The following TM9SF1 variants were observed in gnomAD, a reference collection of about 807,000 sequenced individuals.
The protein encoded by TM9SF1 is transmembrane 9 superfamily member 1, also known as MP70 protein family member.
TM9SF1 carries 25 observed loss-of-function variants against 52.4 expected under a neutral mutation model. The observed-to-expected ratio is 0.48, with a 90% CI of 0.35 to 0.67. TM9SF1 has a LOEUF of 0.67. Among genes scored for constraint, TM9SF1 ranks in the 30% least tolerant of loss-of-function variants. The pLI, the probability that TM9SF1 is intolerant of heterozygous loss-of-function variation, is 0.01. For missense variants in TM9SF1, 604 were observed against 780.3 expected, an observed-to-expected ratio of 0.77 and a Z score of 2.69; for synonymous variants, 284 against 299.8, an observed-to-expected ratio of 0.95 and a Z score of 0.55.
Position 24,192,493 on chromosome 14 carries a change from T to C in TM9SF1, c.968-137A>G. The C allele has an allele frequency of 7.2e-7, 1 of 1,384,348 alleles. No individual in the cohort carries two copies. Among genetic ancestry groups the C allele is most frequent in the Non-Finnish European group, 9.8e-7 (1 of 1,018,002 alleles). 85.8% of individuals were successfully genotyped at this position (1,384,348 alleles called of 1,614,324 possible). ...TCCCCCAGTTTTGCTATCCAGAAAA[T>C]CTACAATAGAATACGTGCATTCTTG... On this transcript the variant is annotated intron_variant, in intron 3 of 5. Transcript: ENST00000261789. This position sits in a 1 kb window ranked among gnomAD's most constrained non-coding sequence, Gnocchi z 4.0.
Position 24,190,396 on chromosome 14 carries a change from C to T in TM9SF1, c.1411G>A (p.Gly471Ser), listed in dbSNP as rs376115537. The change falls in exon 5 of 6, where the codon GGC becomes AGC. Residue 471 changes from glycine (G) to serine (S), a missense_variant. Physicochemically the swap from Gly to Ser is moderately conservative, Grantham distance 56. This residue lies in a region of TM9SF1 where 107 missense variants were observed against 180.5 expected (regional missense o/e 0.59). Coordinates refer to ENST00000261789, the MANE Select transcript of TM9SF1 (RefSeq NM_006405.7). ...GGAGGATACCTGAAAGGCAGGAAGC[C>T]TCCAACAGTCATGTGGATGACAGTA... ...KSTVIHMTVG[G>S]FLPFSAISVE... is the part of the protein sequence containing the mutation. 6.3e-7 allele frequency: 1 copy of T among 1,589,180 alleles called. No individual in the cohort carries two copies. Among genetic ancestry groups the T allele is most frequent in the Non-Finnish European group, 8.6e-7 (1 of 1,165,328 alleles).
Position 24,192,959 on chromosome 14 carries a change from C to T in TM9SF1, c.656G>A (p.Arg219Lys), listed in dbSNP as rs140076140. The change falls in exon 3 of 6, where the codon AGG (arginine) becomes AAG (lysine). Residue 219 changes from arginine (R) to lysine (K), a missense_variant. Coordinates refer to ENST00000261789, the MANE Select transcript of TM9SF1 (RefSeq NM_006405.7). The surrounding 1 kb of genome is among the most constrained non-coding windows in gnomAD (Gnocchi z 4.0). ...SETSVERRSD[R>K]RRGDDGGFFP... ...GAAACCACCATCGTCACCACGGCGC[C>T]TGTCACTCCGACGCTCCACTGAAGT... The T allele has an allele frequency of 5.6e-6, 9 of 1,614,006 alleles. No individual in the cohort carries two copies. In the African/African-American group the frequency reaches 1.2e-4, roughly 22 times the overall value.
At position 24,192,081 on chromosome 14, in the gene TM9SF1, G is replaced by A. The variant is rs911357519; in HGVS notation, c.1153+90C>T. On this transcript the variant is annotated intron_variant, in intron 4 of 5. Transcript: ENST00000261789. This position sits in a 1 kb window ranked among gnomAD's most constrained non-coding sequence, Gnocchi z 4.0. ...CCGGCCTCGGTCTCCCAAAGTGCTAGGATTACAGGTGTGAGCCACTGTGAC... is the reference window on the plus strand; with the variant it reads ...CCGGCCTCGGTCTCCCAAAGTGCTAAGATTACAGGTGTGAGCCACTGTGAC... The A allele has an allele frequency of 2.4e-5, 32 of 1,352,672 alleles. No homozygotes were observed. Among genetic ancestry groups the A allele is most frequent in the Admixed American group, 1.4e-4 (8 of 57,862 alleles). The allele number at this position is 1,352,672 out of a possible 1,614,324, so 83.8% of individuals were successfully genotyped here.
chr14:24,192,023 G>A lies in TM9SF1; in HGVS notation c.1153+148C>T. The A allele has an allele frequency of 3.9e-6, 3 of 776,572 alleles. No homozygotes were observed. Among genetic ancestry groups the A allele is most frequent in the Non-Finnish European group, 6.6e-6 (3 of 454,080 alleles). The allele number at this position is 776,572 out of a possible 1,614,324, so 48.1% of individuals were successfully genotyped here. On this transcript the variant is annotated intron_variant, in intron 4 of 5. Coordinates refer to ENST00000261789, the MANE Select transcript of TM9SF1 (RefSeq NM_006405.7). This position sits in a 1 kb window ranked among gnomAD's most constrained non-coding sequence, Gnocchi z 4.0. ...GAGAGGGTCTCACTATGTTGTCTAG[G>A]CTTGTCTCAAACTTTTGGGCTCAAG...
chr14:24,192,470 C>T lies in TM9SF1; in HGVS notation c.968-114G>A. 7.2e-7 allele frequency: 1 copy of T among 1,394,334 alleles called. No individual in the cohort carries two copies. The highest frequency in any genetic ancestry group is 1.3e-5 in the South Asian group (1 of 75,250). 86.4% of individuals were successfully genotyped at this position (1,394,334 alleles called of 1,614,324 possible). ...CCAGGGCCTCCAGCAAAACAATCTC[C>T]CCCAGTTTTGCTATCCAGAAAATCT... On this transcript the variant is annotated intron_variant, in intron 3 of 5. Transcript: ENST00000261789. The surrounding 1 kb of genome is among the most constrained non-coding windows in gnomAD (Gnocchi z 4.0).
At chr14:24,190,892 C>T (rs1454455342) in intron 4 of TM9SF1, among the ~76,000 whole-genome samples, 11 of 123,784 alleles carry the variant, frequency 8.9e-5, no homozygotes, top group Non-Finnish European at 1.3e-4. Flanking sequence ...GACAGAGTCT[C>T]GCTCTGTCGC....
At position 24,193,099 on chromosome 14, in the gene TM9SF1, G is replaced by C; in HGVS notation, c.516C>G (p.Asp172Glu). The stretch of plus-strand genomic sequence containing the variant: ...CTGAAACATTGGCAAATATAATTCG[G>C]TCTCCATGGAATTCTAGGTGGAAGT... ...HLDFHLEFHGDRIIFANVSVR... is the reference protein window; with the variant it reads ...HLDFHLEFHGERIIFANVSVR... The change falls in exon 3 of 6, where the codon GAC (aspartate) becomes GAG (glutamate). Residue 172 changes from aspartate (D) to glutamate (E), a missense_variant. This residue lies in a region of TM9SF1 where 450 missense variants were observed against 560.1 expected (regional missense o/e 0.80). Coordinates refer to ENST00000261789, the MANE Select transcript of TM9SF1 (RefSeq NM_006405.7). The C allele has an allele frequency of 6.2e-7, 1 of 1,614,134 alleles. No individual in the cohort carries two copies. The highest frequency in any genetic ancestry group is 1.1e-5 in the South Asian group (1 of 91,080).
At position 24,189,348 on chromosome 14, in the gene TM9SF1, G is replaced by C; in HGVS notation, c.*67C>G. The C allele has an allele frequency of 6.7e-7, 1 of 1,487,644 alleles. No homozygotes were observed. The highest frequency in any genetic ancestry group is 1.3e-5 in the South Asian group (1 of 74,524). 92.2% of individuals were successfully genotyped at this position (1,487,644 alleles called of 1,614,324 possible). A position where few individuals can be genotyped will look rare whatever the true frequency, so the allele number is the denominator to read the frequency against. ...CACAATTCAGTCAATCAGAAGAGAA[G>C]CTGGTAGGAGAGTTCAACAGGGCAT... On this transcript the variant is annotated 3_prime_UTR_variant, in exon 6 of 6. Coordinates refer to ENST00000261789, the MANE Select transcript of TM9SF1 (RefSeq NM_006405.7).
At chr14:24,193,844 C>T (rs1314562117) in intron 2 of TM9SF1, among the ~76,000 whole-genome samples, 1 of 151,152 alleles carries the variant, frequency 6.6e-6, no homozygotes, top group Non-Finnish European at 1.5e-5. Context: ...GGCGTGAACC[C>T]GGGAGGTGGA....
chr14:24,191,827 T>TTG, intron 4 of TM9SF1: 1 of 196,262 alleles, frequency 5.1e-6, no homozygotes, highest in Non-Finnish European at 1.1e-5. Flanking sequence ...TTTTTTTTTT[T>TTG]GAGACAGTCT....
rs2039339238 is a variant in TM9SF1 at position 24,192,668 on chromosome 14, T to C, written c.947A>G (p.Gln316Arg). Residue 316 changes from glutamine (Q) to arginine (R), a missense_variant, in exon 3 of 6, where the codon CAG becomes CGG. Physicochemically the swap from Gln to Arg is conservative, Grantham distance 43 (BLOSUM62 1). This residue lies in a region of TM9SF1 where 450 missense variants were observed against 560.1 expected (regional missense o/e 0.80). Coordinates refer to ENST00000261789, the MANE Select transcript of TM9SF1 (RefSeq NM_006405.7). The surrounding 1 kb of genome is among the most constrained non-coding windows in gnomAD (Gnocchi z 4.0). ...CTCACCAGTGCCAAGGGCCAGGAAC[T>C]GGGCACCCACGCCAAGCACAGCACA... ...LLCAVLGVGA[Q>R]FLALGTGIIV... The C allele has an allele frequency of 1.3e-6, 2 of 1,574,090 alleles. No individual in the cohort carries two copies. The highest frequency in any genetic ancestry group is 2.7e-5 in the African/African-American group (2 of 73,562).
rs1352928311 is a variant in TM9SF1 at position 24,189,324 on chromosome 14, A to C, written c.*91T>G. On this transcript the variant is annotated 3_prime_UTR_variant, in exon 6 of 6. Coordinates refer to ENST00000261789, the MANE Select transcript of TM9SF1 (RefSeq NM_006405.7). ...AAAGGGAAGGCAACAATGCCATCAC[A>C]CAATTCAGTCAATCAGAAGAGAAGC... 2.1e-6 allele frequency: 3 copies of C among 1,412,724 alleles called. No individual in the cohort carries two copies. The highest frequency in any genetic ancestry group is 2.9e-6 in the Non-Finnish European group (3 of 1,047,542). The allele number at this position is 1,412,724 out of a possible 1,614,324, so 87.5% of individuals were successfully genotyped here.
intron 4 of TM9SF1, 62 bp from the exon 5 acceptor site, chr14:24,190,715 A>G: frequency 1.4e-6 from 2 of 1,475,830 alleles, no homozygotes; most frequent in Non-Finnish European, 1.8e-6. Flanking sequence ...AAGGGCACCC[A>G]CTTACATCCA....
chr14:24,190,471 G>A lies in TM9SF1; in HGVS notation c.1336C>T (p.Arg446Cys), dbSNP rs758139805. The change falls in exon 5 of 6, where the codon CGC (arginine) becomes TGC (cysteine). Residue 446 changes from arginine (R) to cysteine (C), a missense_variant. Around this residue, in one of 3 missense-constraint regions of TM9SF1, gnomAD observed 450 missense variants for 560.1 expected, o/e 0.80. Coordinates refer to ENST00000261789, the MANE Select transcript of TM9SF1 (RefSeq NM_006405.7). ...ATCTCCCGGGCGATGTTCTTGGTGC[G>A]ACAGGGTGCATCAAAGGGGCTGGCG... Reference protein sequence around the residue: ...NNASPFDAPCRTKNIAREIPP... With the variant: ...NNASPFDAPCCTKNIAREIPP... 8 of 1,614,148 alleles carry A rather than the reference G, an allele frequency of 5.0e-6. No homozygotes were observed. The highest frequency in any genetic ancestry group is 4.5e-5 in the East Asian group (2 of 44,892).
At position 24,195,364 on chromosome 14, in the gene TM9SF1, C is replaced by T. The variant is rs1161629848; in HGVS notation, c.-36G>A. The T allele has an allele frequency of 4.0e-6, 1 of 247,038 alleles. No individual in the cohort carries two copies. Among genetic ancestry groups the T allele is most frequent in the South Asian group, 7.6e-5 (1 of 13,140 alleles). The allele number at this position is 247,038 out of a possible 1,614,324, so 15.3% of individuals were successfully genotyped here. On this transcript the variant is annotated 5_prime_UTR_variant, in exon 1 of 6. Transcript: ENST00000261789. Reference sequence around the variant, plus strand: ...TCCTCACCGCGCGGGAAGGGCTGGCCGAGGCGGCGCCAGCGGCCTTCGCGC... The same window carrying T: ...TCCTCACCGCGCGGGAAGGGCTGGCTGAGGCGGCGCCAGCGGCCTTCGCGC...
chr14:24,193,018 G>A lies in TM9SF1; in HGVS notation c.597C>T (p.Gly199=), dbSNP rs201608183. The change falls in exon 3 of 6, where the codon GGC becomes GGT. Residue 199 remains glycine, a synonymous_variant. Transcript: ENST00000261789. The part of the protein sequence containing the change: ...LDGLRPDEFL[G]LTHTYSVRWS... ...AGCGCACGCTATAAGTGTGGGTAAG[G>A]CCTAGGAACTCGTCAGGTCGTAACC... 1 of 1,614,214 alleles carries A rather than the reference G, an allele frequency of 6.2e-7. No individual in the cohort carries two copies. Among genetic ancestry groups the A allele is most frequent in the African/African-American group, 1.3e-5 (1 of 75,050 alleles).
chr14:24,193,270 C>A lies in TM9SF1; in HGVS notation c.346-1G>T. On this transcript the variant is annotated splice_acceptor_variant, in intron 2 of 5. Transcript: ENST00000261789. LOFTEE classifies it high-confidence loss of function. The stretch of plus-strand genomic sequence containing the variant: ...CAATGGCCTGGCGCAGCTGCTCCAC[C>A]TATAAAGAGCAAGTCAGGAGTTGGT... The A allele has an allele frequency of 6.3e-7, 1 of 1,588,476 alleles. No individual in the cohort carries two copies. The highest frequency in any genetic ancestry group is 1.1e-5 in the South Asian group (1 of 87,076).
At chr14:24,194,463 C>T (rs1285708744) in intron 2 of TM9SF1, among the ~76,000 whole-genome samples, 1 of 152,134 alleles carries the variant, frequency 6.6e-6, no homozygotes, top group African/African-American at 2.4e-5. Context: ...AATCACTGTC[C>T]ATGTAATCTT....
intron 4 of TM9SF1, among the ~76,000 whole-genome samples, chr14:24,191,041 A>G (rs2039316579): frequency 6.6e-6 from 1 of 151,076 alleles, no homozygotes; most frequent in African/African-American, 2.4e-5. Context: ...AATTTTTTGT[A>G]TTTTTAGTAG....
Sources: allele counts gnomAD v4.1 joint callset (sites outside exome capture counted in the v4.1 genomes callset), GRCh38; gene constraint gnomAD v4.1.1; regional missense constraint gnomAD v4.1.1; non-coding constraint Gnocchi (gnomAD v3.1); transcripts MANE v1.5; gene names NCBI Gene and HGNC (gene_info 2026-07-23, HGNC 2026-07-21).